Variants in ZNF107 observed in about 807,000 individuals in gnomAD.
ZNF107 encodes the protein C2H2 type zinc-finger protein.
ZNF107 carries 19 observed loss-of-function variants against 12.3 expected under a neutral mutation model. The observed-to-expected ratio is 1.55, with a 90% CI of 1.08 to 2.27. The LOEUF (loss-of-function observed/expected upper bound fraction) is 2.27, where lower values mean the gene tolerates loss of function less well. ZNF107 is among the 30% of genes most tolerant of loss of function. The pLI, the probability that ZNF107 is intolerant of heterozygous loss-of-function variation, is 0.00. For missense variants in ZNF107, 958 were observed against 979.9 expected, an observed-to-expected ratio of 0.98 and a Z score of 0.30; for synonymous variants, 317 against 330.5, an observed-to-expected ratio of 0.96 and a Z score of 0.44.
rs1249827960 is a variant in ZNF107, at chr7:64,707,677, A to G, written c.1580A>G (p.His527Arg). 11 of 1,612,820 alleles carry G rather than the reference A, an allele frequency of 6.8e-6. No individual in the cohort carries two copies. The highest frequency in any genetic ancestry group is 1.1e-5 in the South Asian group (1 of 90,998). Residue 527 changes from histidine to arginine, a missense_variant, in exon 4 of 4, where the codon CAT becomes CGT. His to Arg is a conservative substitution (Grantham distance 29). Transcript: ENST00000620827. ...AFSQSSNLTE[H>R]KKIHTGEKPY... is the part of the protein sequence containing the mutation. ...AGCCAGTCTTCAAACCTTACTGAAC[A>G]TAAGAAAATTCATACTGGAGAGAAA... is the stretch of plus-strand genomic sequence containing the variant.
At chr7:64,699,923 C>T (rs1022495479) in intron 3 of ZNF107, among the ~76,000 whole-genome samples, 7 of 151,720 alleles carry the variant, frequency 4.6e-5, no homozygotes, top group South Asian at 2.1e-4. Context: ...AAAAATTAGC[C>T]GGGCTTGGTA....
chr7:64,697,692 ATTT>A (rs35100512), intron 3 of ZNF107, among the ~76,000 whole-genome samples: 1 of 135,190 alleles, frequency 7.4e-6, no homozygotes, highest in Admixed American at 7.5e-5. Flanking sequence ...GAAACATAGC[ATTT>A]TTTTTTTTTT....
chr7:64,682,029 G>A lies in ZNF107; in HGVS notation c.4-9219G>A, dbSNP rs1053324485. Among the ~76,000 whole-genome samples the A allele has an allele frequency of 2.6e-5, 4 of 151,858 alleles. No individual in the cohort carries two copies. The South Asian group carries it at 8.3e-4, about 32-fold the overall frequency. ...CTGGACCATTCTTCCCAGGGCTTCC[G>A]GAATAGCCCTCATTATTTTAGCCAA... On this transcript the variant is annotated intron_variant, in intron 1 of 3. Coordinates refer to ENST00000620827, the MANE Select transcript of ZNF107 (RefSeq NM_001282359.2).
At chr7:64,684,729 T>G in intron 1 of ZNF107, 1 of 984,918 alleles carries the variant, frequency 1.0e-6, no homozygotes, top group Non-Finnish European at 1.2e-6. Context: ...GGATAGATGA[T>G]CTCATCTTTT....
chr7:64,686,508 G>A, intron 1 of ZNF107: 1 of 985,306 alleles, frequency 1.0e-6, no homozygotes. Flanking sequence ...AAGAATCCCT[G>A]AGAAACATCA....
At chr7:64,668,764 A>G (rs763354491) in intron 1 of ZNF107, among the ~76,000 whole-genome samples, 50 of 152,036 alleles carry the variant, frequency 3.3e-4, no homozygotes, top group Non-Finnish European at 6.3e-4. Context: ...GTGATGTCCA[A>G]CGGTATTCCA....
At chr7:64,697,960 G>A (rs938680760) in intron 3 of ZNF107, among the ~76,000 whole-genome samples, 11 of 152,138 alleles carry the variant, frequency 7.2e-5, no homozygotes, top group African/African-American at 2.2e-4. Context: ...GATTACAAGC[G>A]TGAGCCACCG....
Position 64,691,288 on chromosome 7 carries a change from T to C in ZNF107, c.44T>C (p.Leu15Pro). The change falls in exon 2 of 4, where the codon CTG becomes CCG. Residue 15 changes from leucine (L) to proline (P), a missense_variant. Physicochemically the swap from Leu to Pro is moderately conservative, Grantham distance 98. Coordinates refer to ENST00000620827, the MANE Select transcript of ZNF107 (RefSeq NM_001282359.2). ...AAAGATGTCGCCATAGAATTCTCTC[T>C]GGAGGAGTGGCAATGCCTGGATACT... ...TFKDVAIEFS[L>P]EEWQCLDTAQ... 1.3e-6 allele frequency: 2 copies of C among 1,554,758 alleles called. No homozygotes were observed. Among genetic ancestry groups the C allele is most frequent in the South Asian group, 2.4e-5 (2 of 83,726 alleles).
chr7:64,691,211 G>A, intron 1 of ZNF107, 37 bp from the exon 2 acceptor site: 1 of 1,408,516 alleles, frequency 7.1e-7, no homozygotes, highest in Non-Finnish European at 9.3e-7. Context: ...ACAGCTTATG[G>A]CTGCTTGGTA....
chr7:64,666,483 C>A (rs1462523523), intron 1 of ZNF107, among the ~76,000 whole-genome samples, 198 bp downstream of exon 1: 1 of 152,212 alleles, frequency 6.6e-6, no homozygotes, highest in Admixed American at 6.5e-5. Flanking sequence ...CGTAAGATGG[C>A]GGCTGGGCTG....
intron 1 of ZNF107, among the ~76,000 whole-genome samples, chr7:64,673,863 A>G (rs577650479): frequency 6.6e-6 from 1 of 152,380 alleles, no homozygotes; most frequent in South Asian, 2.1e-4. Context: ...CTTTGTGAGA[A>G]GACCAAATGG....
At chr7:64,673,952 T>G (rs764662047) in intron 1 of ZNF107, among the ~76,000 whole-genome samples, 1 of 152,116 alleles carries the variant, frequency 6.6e-6, no homozygotes. Context: ...TTGTTGTTGT[T>G]GTTTTATTTT....
intron 3 of ZNF107, among the ~76,000 whole-genome samples, chr7:64,693,108 C>G (rs1178230435): frequency 6.6e-6 from 1 of 151,732 alleles, no homozygotes; most frequent in Non-Finnish European, 1.5e-5. Flanking sequence ...ACACCATTCT[C>G]CTGCCTCAGC....
At position 64,709,486 on chromosome 7, in the gene ZNF107, A is replaced by C. The variant is rs1790813149; in HGVS notation, c.*830A>C. The C allele has an allele frequency of 2.9e-6, 1 of 344,208 alleles. No homozygotes were observed. The highest frequency in any genetic ancestry group is 4.4e-5 in the Admixed American group (1 of 22,542). 21.3% of individuals were successfully genotyped at this position (344,208 alleles called of 1,614,324 possible). ...TGAATGATGTGACAATAATTTTGACAACACCTCGAACTTTCTAACATAAAT... is the reference window on the plus strand; with the variant it reads ...TGAATGATGTGACAATAATTTTGACCACACCTCGAACTTTCTAACATAAAT... On this transcript the variant is annotated 3_prime_UTR_variant, in exon 4 of 4. Transcript: ENST00000620827.
chr7:64,675,542 T>G (rs75477218), intron 1 of ZNF107, among the ~76,000 whole-genome samples: 6,227 of 152,242 alleles, frequency 0.041, 195 homozygotes, highest in Middle Eastern at 0.075. Flanking sequence ...TTTCAAAGAT[T>G]TAACTCCTAG....
Position 64,706,461 on chromosome 7 carries a change from G to T in ZNF107, c.364G>T (p.Glu122Ter), listed in dbSNP as rs201422104. ...AAGAAAAGGCTGTAAACATGTGGAT[G>T]AGTGTACGGGGCACAAAGGAGGTCA... ...QLRKGCKHVD[E>*]CTGHKGGHNT... The change falls in exon 4 of 4, where the codon GAG becomes TAG. Residue 122 changes from glutamate to a stop codon, truncating the protein, a stop_gained. Transcript: ENST00000620827. LOFTEE classifies it low-confidence loss of function (END_TRUNC). The T allele has an allele frequency of 6.2e-7, 1 of 1,613,528 alleles. No homozygotes were observed. The highest frequency in any genetic ancestry group is 8.5e-7 in the Non-Finnish European group (1 of 1,179,710).
chr7:64,686,353 A>C (rs1481041049), intron 1 of ZNF107: 2 of 236,092 alleles, frequency 8.5e-6, no homozygotes, highest in Admixed American at 6.5e-5. Context: ...TCTTCCGTCT[A>C]GCCTCTCAGT....
At chr7:64,702,896 GT>G (rs1401331049) in intron 3 of ZNF107, among the ~76,000 whole-genome samples, 1 of 152,038 alleles carries the variant, frequency 6.6e-6, no homozygotes, top group Non-Finnish European at 1.5e-5. Context: ...TATATTTTGT[GT>G]TTGAAGTAAA....
intron 3 of ZNF107, among the ~76,000 whole-genome samples, chr7:64,704,364 G>A (rs1415176311): frequency 6.6e-6 from 1 of 152,052 alleles, no homozygotes; most frequent in Admixed American, 6.6e-5. Context: ...TCCTGCCTCA[G>A]CCTCCTGAGT....
Sources: gnomAD v4.1 joint callset for allele counts (sites outside exome capture counted in the v4.1 genomes callset) on GRCh38, gnomAD v4.1.1 for gene constraint, MANE v1.5 for transcripts, NCBI Gene and HGNC (gene_info 2026-07-23, HGNC 2026-07-21) for gene names.